The following CMTM2 variants were observed in gnomAD, a reference collection of about 807,000 sequenced individuals.
CMTM2 encodes CKLF like MARVEL transmembrane domain containing 2, also known as CKLF-like MARVEL transmembrane domain-containing protein 2.
Under a neutral mutation model 16.8 loss-of-function variants are expected in CMTM2, and 15 were observed. That is an observed-to-expected ratio of 0.89 (90% CI 0.60 to 1.37). CMTM2 has a LOEUF of 1.37. CMTM2 is among the 40% of genes most tolerant of loss of function. The probability of loss-of-function intolerance (pLI) is 0.00; values close to 1 mark genes in which losing one functional copy is unlikely to be tolerated. For missense variants in CMTM2, 282 were observed against 318.0 expected (o/e 0.89, Z 0.86); for synonymous variants, 117 against 118.7 (o/e 0.99, Z 0.09).
intron 2 of CMTM2, chr16:66,580,641 C>T (rs900237965): frequency 7.3e-5 from 12 of 164,980 alleles, no homozygotes; most frequent in African/African-American, 1.4e-4. Flanking sequence ...TCTAAAGCAG[C>T]GTTAGGTCTC....
intron 2 of CMTM2, among the ~76,000 whole-genome samples, chr16:66,581,386 G>A (rs1333537666): frequency 6.6e-6 from 1 of 152,124 alleles, no homozygotes; most frequent in African/African-American, 2.4e-5. Flanking sequence ...AATACCAGGG[G>A]AAATGTAACC....
chr16:66,581,703 G>GGA (rs1342762354), intron 2 of CMTM2, among the ~76,000 whole-genome samples: 1 of 152,204 alleles, frequency 6.6e-6, no homozygotes, highest in Admixed American at 6.5e-5. Flanking sequence ...CCAACACAGA[G>GGA]GAATAAGAAA....
At chr16:66,583,423 C>A (rs1410777651) in intron 2 of CMTM2, among the ~76,000 whole-genome samples, 1 of 151,662 alleles carries the variant, frequency 6.6e-6, no homozygotes, top group Non-Finnish European at 1.5e-5. Flanking sequence ...ACCCAGGAGG[C>A]AGAGGTTGCC....
At chr16:66,580,243 C>T in intron 2 of CMTM2, 59 bp downstream of exon 2, 1 of 1,579,034 alleles carries the variant, frequency 6.3e-7, no homozygotes, top group South Asian at 1.1e-5. Flanking sequence ...TGTGTCTTGG[C>T]ACCTGGAAAG....
At chr16:66,585,982 A>G (rs963909701) in intron 2 of CMTM2, among the ~76,000 whole-genome samples, 1 of 152,168 alleles carries the variant, frequency 6.6e-6, no homozygotes, top group Non-Finnish European at 1.5e-5. Context: ...TGCGGGAGGA[A>G]GCCAGCCTGC....
In CMTM2 at chr16:66,580,907, C is replaced by A. The variant is rs544451273; in HGVS notation, c.444+723C>A. ...TCACCTGTTTAACCACAGGGCACAA[C>A]CACCTAACCCCTTGCCAGTCAATGA... On this transcript the variant is annotated intron_variant, in intron 2 of 3. Transcript: ENST00000268595. Among the ~76,000 whole-genome samples the A allele has an allele frequency of 2.0e-5, 3 of 152,270 alleles. No homozygotes were observed. In the East Asian group the frequency reaches 5.8e-4, roughly 29 times the overall value.
chr16:66,584,195 G>A (rs937996467), intron 2 of CMTM2, among the ~76,000 whole-genome samples: 7 of 152,096 alleles, frequency 4.6e-5, no homozygotes, highest in African/African-American at 1.2e-4. Context: ...CACTAAGCCC[G>A]GCTAATTTTG....
intron 2 of CMTM2, 160 bp from the exon 3 acceptor site, chr16:66,586,837 A>G (rs975440473): frequency 6.6e-6 from 4 of 609,006 alleles, no homozygotes; most frequent in South Asian, 3.9e-5. Context: ...AGGGCCACAG[A>G]TATGTCCACC....
chr16:66,581,722 A>G (rs1051531644), intron 2 of CMTM2, among the ~76,000 whole-genome samples: 2 of 152,250 alleles, frequency 1.3e-5, no homozygotes, highest in African/African-American at 4.8e-5. Flanking sequence ...AAACATGTTC[A>G]TCTCTGCCTG....
Position 66,579,795 on chromosome 16 carries a change from G to A in CMTM2, c.188G>A (p.Gly63Asp). The A allele has an allele frequency of 6.2e-7, 1 of 1,613,874 alleles. No homozygotes were observed. The highest frequency in any genetic ancestry group is 8.5e-7 in the Non-Finnish European group (1 of 1,180,016). The change falls in exon 1 of 4, where the codon GGC becomes GAC. Residue 63 changes from glycine (G) to aspartate (D), a missense_variant. By Grantham distance (94) the Gly-to-Asp change is moderately conservative (BLOSUM62 -1). Transcript: ENST00000268595. The surrounding 1 kb of genome is among the most constrained non-coding windows in gnomAD (Gnocchi z 6.5). ...GCGGTGCAGCCCAAGCACGAAGTGGGCACGAGGAGGGGGTGTCGCCGCTAC... is the reference window on the plus strand; with the variant it reads ...GCGGTGCAGCCCAAGCACGAAGTGGACACGAGGAGGGGGTGTCGCCGCTAC... ...QKAVQPKHEV[G>D]TRRGCRRYRW...
rs189102230 is a variant in CMTM2, at chr16:66,582,214, A to T, written c.444+2030A>T. On this transcript the variant is annotated intron_variant, in intron 2 of 3. Coordinates refer to ENST00000268595, the MANE Select transcript of CMTM2 (RefSeq NM_144673.3). ...ATGAGGACAAAATAGACAGATTTTT[A>T]AAAAGTACAGTGTCTAGAATAGAAA... 7.8e-3 allele frequency among the ~76,000 whole-genome samples: 1,187 copies of T among 152,326 alleles called. 20 individuals carry two copies. The highest frequency in any genetic ancestry group is 0.027 in the African/African-American group (1,137 of 41,562).
intron 3 of CMTM2, 95 bp downstream of exon 3, chr16:66,587,193 T>G (rs1044247624): frequency 9.6e-7 from 1 of 1,040,386 alleles, no homozygotes; most frequent in African/African-American, 1.6e-5. Flanking sequence ...GCTTCTTTAT[T>G]TTCCACAAAA....
intron 2 of CMTM2, among the ~76,000 whole-genome samples, chr16:66,581,143 C>T (rs1302706000): frequency 6.6e-6 from 1 of 151,806 alleles, no homozygotes; most frequent in Non-Finnish European, 1.5e-5. Flanking sequence ...TTGTTAAAAA[C>T]TATTAGGGTC....
At position 66,588,251 on chromosome 16, in the gene CMTM2, G is replaced by T. The variant is rs944252597; in HGVS notation, c.*132G>T. On this transcript the variant is annotated 3_prime_UTR_variant, in exon 4 of 4. Coordinates refer to ENST00000268595, the MANE Select transcript of CMTM2 (RefSeq NM_144673.3). ...TACCACCTTTGCTTGGAAAAGAATG[G>T]ATTAATGGATTCTAAAAGCCTAAAG... The T allele has an allele frequency of 4.0e-5, 32 of 809,500 alleles. No homozygotes were observed. The highest frequency in any genetic ancestry group is 6.0e-5 in the Non-Finnish European group (31 of 520,178). 50.1% of individuals were successfully genotyped at this position (809,500 alleles called of 1,614,324 possible).
At chr16:66,585,742 T>C (rs2014785416) in intron 2 of CMTM2, among the ~76,000 whole-genome samples, 1 of 152,224 alleles carries the variant, frequency 6.6e-6, no homozygotes, top group Non-Finnish European at 1.5e-5. Context: ...TAAATGTCAG[T>C]GGCTCCTGGC....
intron 2 of CMTM2, among the ~76,000 whole-genome samples, chr16:66,586,008 G>A (rs2014788280): frequency 6.6e-6 from 1 of 152,204 alleles, no homozygotes; most frequent in Non-Finnish European, 1.5e-5. Flanking sequence ...CCATGGTTTG[G>A]CCAGCTCTGA....
chr16:66,580,662 C>T (rs1403281766), intron 2 of CMTM2: 1 of 161,450 alleles, frequency 6.2e-6, no homozygotes, highest in Non-Finnish European at 1.4e-5. Context: ...CAGTGAATAT[C>T]CCTATAAAGG....
Position 66,588,155 on chromosome 16 carries a change from T to C in CMTM2, c.*36T>C. ...GCTCCTGGTGTCTGAAACGGCAGTGTATTTTACAGCAATATGTTTCCACTC... is the reference window on the plus strand; with the variant it reads ...GCTCCTGGTGTCTGAAACGGCAGTGCATTTTACAGCAATATGTTTCCACTC... On this transcript the variant is annotated 3_prime_UTR_variant, in exon 4 of 4. Transcript: ENST00000268595. 6.3e-7 allele frequency: 1 copy of C among 1,581,196 alleles called. No homozygotes were observed. The highest frequency in any genetic ancestry group is 2.2e-5 in the East Asian group (1 of 44,746).
At chr16:66,587,240 G>T (rs1174143652) in intron 3 of CMTM2, 142 bp downstream of exon 3, 1 of 697,012 alleles carries the variant, frequency 1.4e-6, no homozygotes, top group Non-Finnish European at 2.5e-6. Flanking sequence ...AGTTAAGTAG[G>T]CCGGGTGCAG....
Sources: gnomAD v4.1 joint callset for allele counts (sites outside exome capture counted in the v4.1 genomes callset) on GRCh38, gnomAD v4.1.1 for gene constraint, Gnocchi (gnomAD v3.1) non-coding constraint, MANE v1.5 for transcripts, NCBI Gene and HGNC (gene_info 2026-07-23, HGNC 2026-07-21) for gene names.